The following GNAO1 variants were observed in gnomAD, a reference collection of about 807,000 sequenced individuals.
The protein encoded by GNAO1 is G protein subunit alpha o1.
For synonymous variants in GNAO1, 164 were observed against 180.7 expected, an observed-to-expected ratio of 0.91 and a Z score of 0.74; for missense variants, 166 against 478.7, an observed-to-expected ratio of 0.35 and a Z score of 6.10.
At chr16:56,288,742 C>T (rs1207237714) in intron 3 of GNAO1, among the ~76,000 whole-genome samples, 1 of 152,048 alleles carries the variant, frequency 6.6e-6, no homozygotes, top group Non-Finnish European at 1.5e-5. Flanking sequence ...GGGGTGGAGG[C>T]GGGTAGGGTC....
intron 2 of GNAO1, chr16:56,245,493 AT>A (rs1237358064): frequency 6.5e-6 from 1 of 154,792 alleles, no homozygotes; most frequent in Non-Finnish European, 1.5e-5. Context: ...TGCCCTAAGT[AT>A]TTGGGGGTAT....
chr16:56,257,945 C>T (rs778301586), intron 2 of GNAO1, among the ~76,000 whole-genome samples: 2 of 152,216 alleles, frequency 1.3e-5, no homozygotes, highest in African/African-American at 2.4e-5. Context: ...GGCAGACCAG[C>T]ATGTCCGATT....
chr16:56,239,784 G>T (rs948732340), intron 2 of GNAO1, among the ~76,000 whole-genome samples: 1 of 152,218 alleles, frequency 6.6e-6, no homozygotes, highest in African/African-American at 2.4e-5. Flanking sequence ...TGGAGCCTCA[G>T]CTATGGTTGT....
intron 4 of GNAO1, among the ~76,000 whole-genome samples, chr16:56,333,988 A>G (rs1390369721): frequency 6.6e-6 from 1 of 152,264 alleles, no homozygotes; most frequent in Non-Finnish European, 1.5e-5. Context: ...AAGCCCTTGC[A>G]GGCAGCGTCC....
intron 2 of GNAO1, among the ~76,000 whole-genome samples, chr16:56,207,033 A>G (rs1036556070): frequency 3.3e-5 from 5 of 152,250 alleles, no homozygotes; most frequent in African/African-American, 7.2e-5. Context: ...GGCTTATTAC[A>G]TATTACTCTC....
chr16:56,285,641 G>C (rs985738935), intron 3 of GNAO1, among the ~76,000 whole-genome samples: 11 of 152,216 alleles, frequency 7.2e-5, no homozygotes, highest in Admixed American at 2.0e-4. Context: ...CCCAAAACAA[G>C]GTCACAAAAT....
At chr16:56,265,323 C>T (rs1305587892) in intron 2 of GNAO1, among the ~76,000 whole-genome samples, 1 of 152,184 alleles carries the variant, frequency 6.6e-6, no homozygotes, top group Non-Finnish European at 1.5e-5. Flanking sequence ...GCCTGGTGCC[C>T]CTCTTATGCA....
intron 3 of GNAO1, among the ~76,000 whole-genome samples, chr16:56,314,664 C>T (rs2037491070): frequency 6.6e-6 from 1 of 152,224 alleles, no homozygotes; most frequent in Non-Finnish European, 1.5e-5. Context: ...GCGCCGGCGC[C>T]TGGCTTCTGG....
At chr16:56,253,549 T>C (rs2036818688) in intron 2 of GNAO1, among the ~76,000 whole-genome samples, 2 of 152,240 alleles carry the variant, frequency 1.3e-5, no homozygotes, top group South Asian at 4.1e-4. Flanking sequence ...AAATATTCTT[T>C]ACAGCCCTGT....
intron 4 of GNAO1, among the ~76,000 whole-genome samples, chr16:56,330,109 G>A (rs1180313562): frequency 3.3e-5 from 5 of 152,236 alleles, no homozygotes. Context: ...TGCACACCTA[G>A]ATTGTCCAGA....
intron 2 of GNAO1, among the ~76,000 whole-genome samples, chr16:56,250,444 T>C (rs539097963): frequency 6.6e-6 from 1 of 152,312 alleles, no homozygotes; most frequent in East Asian, 1.9e-4. Context: ...TGTCCTCAGC[T>C]TAGTCCCTGT....
intron 6 of GNAO1, chr16:56,347,206 C>A: frequency 1.0e-6 from 1 of 985,444 alleles, no homozygotes. Flanking sequence ...CTGGCTGCCT[C>A]TTCTCTTCTC....
At chr16:56,233,546 G>A (rs1428224026) in intron 2 of GNAO1, among the ~76,000 whole-genome samples, 2 of 152,210 alleles carry the variant, frequency 1.3e-5, no homozygotes, top group Admixed American at 6.5e-5. Flanking sequence ...TGCAAGTCAT[G>A]GTGTGGAACT....
chr16:56,265,701 G>A (rs2036944845), intron 2 of GNAO1, among the ~76,000 whole-genome samples: 1 of 152,180 alleles, frequency 6.6e-6, no homozygotes, highest in Non-Finnish European at 1.5e-5. Flanking sequence ...CAGGGAAAGA[G>A]GAGGGAAAGC....
chr16:56,281,089 T>G (rs1157948786), intron 3 of GNAO1, among the ~76,000 whole-genome samples: 2 of 151,994 alleles, frequency 1.3e-5, no homozygotes, highest in Admixed American at 6.6e-5. Flanking sequence ...TAAAAAAAAA[T>G]GAGGCATGGA....
At chr16:56,333,601 A>T (rs890266190) in intron 4 of GNAO1, among the ~76,000 whole-genome samples, 11 of 152,192 alleles carry the variant, frequency 7.2e-5, no homozygotes, top group African/African-American at 2.7e-4. Flanking sequence ...GGGCATTCTC[A>T]CAAGGATTGT....
chr16:56,268,285 C>T (rs1354273564), intron 2 of GNAO1, among the ~76,000 whole-genome samples: 1 of 152,254 alleles, frequency 6.6e-6, no homozygotes, highest in African/African-American at 2.4e-5. Flanking sequence ...CCAGCACATC[C>T]TTCAACTGGC....
intron 2 of GNAO1, among the ~76,000 whole-genome samples, chr16:56,241,394 G>A (rs1482281306): frequency 2.0e-5 from 3 of 152,280 alleles, no homozygotes; most frequent in African/African-American, 7.2e-5. Flanking sequence ...GGGGAAGTGA[G>A]CCCCTTTTAG....
chr16:56,269,935 A>G (rs2036999584), intron 2 of GNAO1, among the ~76,000 whole-genome samples: 1 of 152,162 alleles, frequency 6.6e-6, no homozygotes, highest in Admixed American at 6.5e-5. Flanking sequence ...GTGACCATAT[A>G]AGGCCAGCAT....
Sources: allele counts gnomAD v4.1 joint callset (sites outside exome capture counted in the v4.1 genomes callset), GRCh38; gene constraint gnomAD v4.1.1; transcripts MANE v1.5; gene names NCBI Gene and HGNC (gene_info 2026-07-23, HGNC 2026-07-21).